The following KCNAB1 variants were observed in gnomAD, a reference collection of about 807,000 sequenced individuals.
KCNAB1 encodes the protein voltage-gated potassium channel subunit beta-1.
A neutral mutation model predicts 64.6 loss-of-function variants in KCNAB1; 35 were observed. The ratio of observed to expected loss-of-function variants is 0.54; its 90% confidence interval spans 0.41 to 0.72. KCNAB1 has a LOEUF of 0.72. KCNAB1 is among the 30% of genes least tolerant of loss of function. The pLI, the probability that KCNAB1 is intolerant of heterozygous loss-of-function variation, is 0.00. For missense variants in KCNAB1, 401 were observed against 512.9 expected (o/e 0.78, Z 2.11); for synonymous variants, 177 against 183.8 (o/e 0.96, Z 0.30).
intron 1 of KCNAB1, among the ~76,000 whole-genome samples, chr3:156,230,401 T>G (rs1716449457): frequency 6.6e-6 from 1 of 152,222 alleles, no homozygotes; most frequent in African/African-American, 2.4e-5. Context: ...AGGTGTGTAG[T>G]GGGCTATGCC....
chr3:156,152,620 G>C (rs912335255), intron 1 of KCNAB1, among the ~76,000 whole-genome samples: 4 of 152,224 alleles, frequency 2.6e-5, no homozygotes, highest in African/African-American at 9.6e-5. Context: ...AGGCAGATGA[G>C]ATAGAAGCTC....
At chr3:156,308,542 A>G (rs1721669812) in intron 1 of KCNAB1, among the ~76,000 whole-genome samples, 1 of 152,226 alleles carries the variant, frequency 6.6e-6, no homozygotes, top group African/African-American at 2.4e-5. Flanking sequence ...GAAGCTGTAG[A>G]TAAGCCCATG....
intron 4 of KCNAB1, 110 bp downstream of exon 4, chr3:156,457,642 T>A: frequency 1.1e-6 from 1 of 921,290 alleles, no homozygotes; most frequent in Non-Finnish European, 1.8e-6. Context: ...TCTCCACGTG[T>A]TGGCAGCTCT....
At chr3:156,441,092 C>G (rs1716959653) in intron 2 of KCNAB1, 1 of 152,104 alleles carries the variant, frequency 6.6e-6, no homozygotes, top group Admixed American at 6.5e-5. Flanking sequence ...AGGACTGTTG[C>G]AATATATTTT....
intron 13 of KCNAB1, 70 bp downstream of exon 13, chr3:156,531,567 C>T: frequency 9.1e-7 from 1 of 1,101,734 alleles, no homozygotes; most frequent in Admixed American, 1.7e-5. Context: ...CAGGCAGTGT[C>T]CCATCTCTCC....
chr3:156,351,839 C>G (rs1175774043), intron 1 of KCNAB1, among the ~76,000 whole-genome samples: 1 of 152,186 alleles, frequency 6.6e-6, no homozygotes, highest in African/African-American at 2.4e-5. Context: ...CCTGCCTCCC[C>G]TCTTTTGGGG....
At chr3:156,267,828 A>C (rs771821934) in intron 1 of KCNAB1, among the ~76,000 whole-genome samples, 9 of 152,222 alleles carry the variant, frequency 5.9e-5, no homozygotes, top group Non-Finnish European at 1.2e-4. Context: ...ACAGGCATGC[A>C]ATGTGTAATA....
chr3:156,418,382 GT>G, intron 1 of KCNAB1, among the ~76,000 whole-genome samples: 1 of 152,258 alleles, frequency 6.6e-6, no homozygotes. Flanking sequence ...AGTAAACTTG[GT>G]CATTATTTGA....
At chr3:156,176,814 G>A in intron 1 of KCNAB1, 1 of 896,608 alleles carries the variant, frequency 1.1e-6, no homozygotes, top group Non-Finnish European at 1.9e-6. Context: ...CCCGGCTCCA[G>A]GGCCCGATCC....
chr3:156,147,264 C>T (rs1289088859), intron 1 of KCNAB1, among the ~76,000 whole-genome samples: 1 of 152,176 alleles, frequency 6.6e-6, no homozygotes, highest in African/African-American at 2.4e-5. Context: ...AATGGCACAC[C>T]TCTTCCTGAT....
rs577200682 is a variant in KCNAB1 at position 156,487,200 on chromosome 3, G to A, written c.658+12380G>A. ...GGAAAACCTTATGTGCTTAAGATTC[G>A]AGTCTCCATAAATTACAGAATAAAG... is the stretch of plus-strand genomic sequence containing the variant. On this transcript the variant is annotated intron_variant, in intron 8 of 13. Transcript: ENST00000490337. 2.0e-5 allele frequency among the ~76,000 whole-genome samples: 3 copies of A among 152,072 alleles called. 1 individual carries two copies. Among genetic ancestry groups the A allele is most frequent in the East Asian group, 1.9e-4 (1 of 5,154 alleles).
chr3:156,417,184 G>A (rs551735398), intron 1 of KCNAB1, among the ~76,000 whole-genome samples: 139 of 152,228 alleles, frequency 9.1e-4, no homozygotes, highest in African/African-American at 3.3e-3. Flanking sequence ...CATGATTTCT[G>A]CTCATGTACA....
At chr3:156,194,236 T>G (rs964294173) in intron 1 of KCNAB1, among the ~76,000 whole-genome samples, 7 of 151,972 alleles carry the variant, frequency 4.6e-5, no homozygotes, top group African/African-American at 1.7e-4. Context: ...TTTTTGTTAC[T>G]GAAACGCTTT....
intron 1 of KCNAB1, among the ~76,000 whole-genome samples, chr3:156,417,116 T>C (rs1189032981): frequency 6.6e-6 from 1 of 152,218 alleles, no homozygotes; most frequent in Admixed American, 6.5e-5. Flanking sequence ...GCCACCTTCA[T>C]GGCTGTCAAA....
chr3:156,242,969 G>T (rs1454264817), intron 1 of KCNAB1, among the ~76,000 whole-genome samples: 2 of 151,896 alleles, frequency 1.3e-5, no homozygotes, highest in Non-Finnish European at 2.9e-5. Context: ...GAGTGCAATG[G>T]CACAATCTCA....
intron 1 of KCNAB1, among the ~76,000 whole-genome samples, chr3:156,241,023 C>A (rs553033901): frequency 6.6e-6 from 1 of 152,132 alleles, no homozygotes; most frequent in Non-Finnish European, 1.5e-5. Context: ...ATTTGTATAC[C>A]AGTTTCTATC....
intron 1 of KCNAB1, among the ~76,000 whole-genome samples, chr3:156,278,009 T>G (rs1400244527): frequency 2.6e-5 from 4 of 152,180 alleles, no homozygotes; most frequent in Non-Finnish European, 1.5e-5. Flanking sequence ...GGGCGTCTCC[T>G]ACATTAACTT....
At chr3:156,240,592 A>G (rs1359697046) in intron 1 of KCNAB1, among the ~76,000 whole-genome samples, 1 of 152,196 alleles carries the variant, frequency 6.6e-6, no homozygotes, top group East Asian at 1.9e-4. Context: ...GACATAATGT[A>G]TTGAGTTTCT....
chr3:156,365,970 C>A (rs1725918089), intron 1 of KCNAB1, among the ~76,000 whole-genome samples: 1 of 152,044 alleles, frequency 6.6e-6, no homozygotes, highest in Non-Finnish European at 1.5e-5. Flanking sequence ...AAGAATGGGA[C>A]CTGAAGGAAA....
Sources: gnomAD v4.1 joint callset for allele counts (sites outside exome capture counted in the v4.1 genomes callset) on GRCh38, gnomAD v4.1.1 for gene constraint, MANE v1.5 for transcripts, NCBI Gene and HGNC (gene_info 2026-07-23, HGNC 2026-07-21) for gene names.